Variants in JARID2 observed in about 807,000 individuals in gnomAD.
JARID2 encodes the protein protein Jumonji.
Under a neutral mutation model 125.6 loss-of-function variants are expected in JARID2, and 21 were observed. The ratio of observed to expected loss-of-function variants is 0.17; its 90% CI spans 0.12 to 0.24. The LOEUF (loss-of-function observed/expected upper bound fraction) is 0.24. Among genes scored for constraint, JARID2 ranks in the 10% least tolerant of loss-of-function variants. The pLI is 1.00. For missense variants in JARID2, 1,303 were observed against 1,639.6 expected (o/e 0.79, Z 3.55); for synonymous variants, 736 against 661.6 (o/e 1.11, Z -1.73).
chr6:15,277,306 T>C (rs2127366807), intron 1 of JARID2, among the ~76,000 whole-genome samples: 1 of 152,328 alleles, frequency 6.6e-6, no homozygotes, highest in Non-Finnish European at 1.5e-5. Context: ...CTATTTTTTA[T>C]AGAAACAGGG....
chr6:15,272,243 G>A (rs1760326653), intron 1 of JARID2, among the ~76,000 whole-genome samples: 1 of 152,214 alleles, frequency 6.6e-6, no homozygotes, highest in African/African-American at 2.4e-5. Flanking sequence ...TGTCCTTTCT[G>A]AAGACCATTC....
At chr6:15,267,630 T>A (rs886864034) in intron 1 of JARID2, among the ~76,000 whole-genome samples, 3 of 152,174 alleles carry the variant, frequency 2.0e-5, no homozygotes, top group Non-Finnish European at 4.4e-5. Context: ...ATGAAGGATA[T>A]TTTTTGGCTG....
chr6:15,463,616 G>C (rs980106331), intron 4 of JARID2, among the ~76,000 whole-genome samples: 1 of 151,992 alleles, frequency 6.6e-6, no homozygotes, highest in Non-Finnish European at 1.5e-5. Flanking sequence ...TTTTTTAGTA[G>C]AGATGGAGTT....
chr6:15,384,371 ATTT>A (rs370485500), intron 2 of JARID2, among the ~76,000 whole-genome samples: 3 of 135,376 alleles, frequency 2.2e-5, no homozygotes, highest in Non-Finnish European at 3.2e-5. Context: ...GCCCACTTTG[ATTT>A]TTTTTTTTTT....
intron 5 of JARID2, among the ~76,000 whole-genome samples, chr6:15,477,914 G>C (rs1769425463): frequency 6.6e-6 from 1 of 152,204 alleles, no homozygotes. Context: ...GACTGTCAAA[G>C]AGTCAGCCAT....
chr6:15,349,836 T>C (rs1211170981), intron 1 of JARID2, among the ~76,000 whole-genome samples: 1 of 152,224 alleles, frequency 6.6e-6, no homozygotes, highest in Admixed American at 6.5e-5. Context: ...CTCTTCTAGC[T>C]TGAATCCTTG....
intron 16 of JARID2, among the ~76,000 whole-genome samples, chr6:15,516,283 C>T (rs747631251): frequency 3.9e-5 from 6 of 152,254 alleles, no homozygotes; most frequent in Non-Finnish European, 7.3e-5. Context: ...CTCTTCTCCT[C>T]TTGAGTGTTA....
chr6:15,397,654 G>T (rs1765268104), intron 2 of JARID2, among the ~76,000 whole-genome samples: 2 of 152,158 alleles, frequency 1.3e-5, no homozygotes, highest in African/African-American at 4.8e-5. Context: ...GTTATAGAAG[G>T]TCTTTAAACA....
At position 15,246,385 on chromosome 6, in the gene JARID2, A is replaced by C. The variant is rs1759184644; in HGVS notation, c.-155A>C. The C allele has an allele frequency of 1.7e-6, 1 of 600,492 alleles. No individual in the cohort carries two copies. The highest frequency in any genetic ancestry group is 2.9e-6 in the Non-Finnish European group (1 of 340,598). The allele number at this position is 600,492 out of a possible 1,614,324, so 37.2% of individuals were successfully genotyped here. A position where few individuals can be genotyped will look rare whatever the true frequency, so the allele number is the denominator to read the frequency against. On this transcript the variant is annotated 5_prime_UTR_variant, in exon 1 of 18. Transcript: ENST00000341776. ...CAATTTCGGATTTATTTCAAGGCGA[A>C]TCTGGCTTTGGGGGAAGAGGAAGAA...
intron 5 of JARID2, among the ~76,000 whole-genome samples, chr6:15,472,126 GC>G (rs1226972806): frequency 3.3e-5 from 5 of 151,690 alleles, no homozygotes; most frequent in African/African-American, 1.2e-4. Context: ...TCGGTGAGGG[GC>G]TGGTAGGATA....
intron 6 of JARID2, among the ~76,000 whole-genome samples, chr6:15,488,973 C>T (rs550972966): frequency 7.9e-5 from 12 of 152,234 alleles, no homozygotes; most frequent in African/African-American, 1.9e-4. Context: ...AGGGAGGCAC[C>T]GAGCTTTGGT....
intron 6 of JARID2, among the ~76,000 whole-genome samples, chr6:15,488,665 C>T (rs890023247): frequency 2.6e-5 from 4 of 152,066 alleles, no homozygotes; most frequent in African/African-American, 9.7e-5. Flanking sequence ...TCTCTCTGAA[C>T]GTGAACATGT....
chr6:15,469,682 C>T (rs1015105509), intron 5 of JARID2, among the ~76,000 whole-genome samples: 1 of 151,406 alleles, frequency 6.6e-6, no homozygotes, highest in Non-Finnish European at 1.5e-5. Flanking sequence ...AAGCCGGCAT[C>T]GATGATGAGG....
chr6:15,502,224 C>G (rs2127746033), intron 8 of JARID2, among the ~76,000 whole-genome samples: 1 of 152,372 alleles, frequency 6.6e-6, no homozygotes, highest in South Asian at 2.1e-4. Flanking sequence ...CCGTGGCTCT[C>G]CTCTTGGCAG....
intron 1 of JARID2, among the ~76,000 whole-genome samples, chr6:15,331,706 A>G (rs1762716441): frequency 6.6e-6 from 1 of 152,052 alleles, no homozygotes; most frequent in Admixed American, 6.6e-5. Flanking sequence ...ACTCTACAAA[A>G]ATTAGCCGGG....
chr6:15,442,851 C>CA (rs978103973), intron 3 of JARID2, among the ~76,000 whole-genome samples: 1 of 152,000 alleles, frequency 6.6e-6, no homozygotes, highest in Non-Finnish European at 1.5e-5. Context: ...TTCAGGATGC[C>CA]ATAGAAGATT....
Position 15,511,289 on chromosome 6 carries a change from G to T in JARID2, c.2847-7G>T. ...CTGCTTGTCTCTTGTGTCTCTCAATGACCCAGGTATTGCATTCCTGCTGAG... is the reference window on the plus strand; with the variant it reads ...CTGCTTGTCTCTTGTGTCTCTCAATTACCCAGGTATTGCATTCCTGCTGAG... On this transcript the variant is annotated splice_polypyrimidine_tract_variant and splice_region_variant and intron_variant, in intron 12 of 17. Coordinates refer to ENST00000341776, the MANE Select transcript of JARID2 (RefSeq NM_004973.4). 6.2e-7 allele frequency: 1 copy of T among 1,600,336 alleles called. No homozygotes were observed. Among genetic ancestry groups the T allele is most frequent in the South Asian group, 1.1e-5 (1 of 90,798 alleles).
intron 3 of JARID2, among the ~76,000 whole-genome samples, chr6:15,423,132 G>A (rs1227858345): frequency 6.6e-6 from 1 of 151,950 alleles, no homozygotes; most frequent in Non-Finnish European, 1.5e-5. Context: ...CCAAGTAGGT[G>A]GGACTACAGG....
rs370261966 is a variant in JARID2 at position 15,486,826 on chromosome 6, A to T, written c.671-481A>T. ...ATAGACTTTTTTTTTTTTTTTTTTG[A>T]GACAGAGTCTCGCTCTGACATTTGA... On this transcript the variant is annotated intron_variant, in intron 5 of 17. Coordinates refer to ENST00000341776, the MANE Select transcript of JARID2 (RefSeq NM_004973.4). Among the ~76,000 whole-genome samples, 3 of 20,154 alleles carry T rather than the reference A, an allele frequency of 1.5e-4. No homozygotes were observed. In the South Asian group the frequency reaches 4.0e-3, roughly 27 times the overall value. The allele number at this position is 20,154 out of a possible 152,430, so 13.2% of individuals were successfully genotyped here.
Sources: gnomAD v4.1 joint callset for allele counts (sites outside exome capture counted in the v4.1 genomes callset) on GRCh38, gnomAD v4.1.1 for gene constraint, MANE v1.5 for transcripts, NCBI Gene and HGNC (gene_info 2026-07-23, HGNC 2026-07-21) for gene names.